ERC2: variants seen among roughly 807,000 people sequenced by gnomAD.
ERC2 encodes the protein ELKS/RAB6-interacting/CAST family member 2, also known as ERC protein 2.
A neutral mutation model predicts 114.8 loss-of-function variants in ERC2; 42 were observed. The observed-to-expected ratio is 0.37, with a 90% CI of 0.29 to 0.47. The LOEUF is 0.47. Among genes scored for constraint, ERC2 ranks in the 20% least tolerant of loss-of-function variants. ERC2 has a pLI of 0.99. For missense variants in ERC2, 939 were observed against 1,150.7 expected, an observed-to-expected ratio of 0.82 and a Z score of 2.66; for synonymous variants, 454 against 425.5, an observed-to-expected ratio of 1.07 and a Z score of -0.82.
At chr3:55,913,392 T>G (rs558474071) in intron 13 of ERC2, among the ~76,000 whole-genome samples, 10 of 152,258 alleles carry the variant, frequency 6.6e-5, no homozygotes, top group Non-Finnish European at 1.3e-4. Context: ...AACAATCTGG[T>G]GATTACTTAA....
At position 55,714,690 on chromosome 3, in the gene ERC2, T is replaced by TATAC. The variant is rs1360988584; in HGVS notation, c.2713-15179_2713-15178insGTAT. On this transcript the variant is annotated intron_variant, in intron 15 of 17. Coordinates refer to ENST00000288221, the MANE Select transcript of ERC2 (RefSeq NM_015576.3). The stretch of plus-strand genomic sequence containing the variant: ...GTGTATATATATATATATATATATA[T>TATAC]ATATATATATATATATATATATATG... Among the ~76,000 whole-genome samples, 1,076 of 129,950 alleles carry TATAC rather than the reference T, an allele frequency of 8.3e-3. 20 individuals are homozygous for TATAC. Among genetic ancestry groups the TATAC allele is most frequent in the Middle Eastern group, 0.015 (4 of 262 alleles). The allele number at this position is 129,950 out of a possible 152,430, so 85.3% of individuals were successfully genotyped here.
intron 2 of ERC2, among the ~76,000 whole-genome samples, chr3:56,302,294 C>T (rs997143571): frequency 6.6e-6 from 1 of 152,152 alleles, no homozygotes; most frequent in African/African-American, 2.4e-5. Context: ...GACAACTGTA[C>T]ACTTTGACAA....
chr3:55,961,269 C>G (rs2068342134), intron 12 of ERC2, among the ~76,000 whole-genome samples: 1 of 152,164 alleles, frequency 6.6e-6, no homozygotes, highest in Non-Finnish European at 1.5e-5. Context: ...CTCTGCGGCT[C>G]TGAACAAGCA....
At chr3:56,313,336 T>C (rs2056708502) in intron 2 of ERC2, among the ~76,000 whole-genome samples, 1 of 151,954 alleles carries the variant, frequency 6.6e-6, no homozygotes, top group Admixed American at 6.6e-5. Context: ...TTTAAAAGGG[T>C]AAATTTTATG....
intron 1 of ERC2, among the ~76,000 whole-genome samples, chr3:56,449,616 AG>A (rs1297812143): frequency 6.6e-6 from 1 of 152,230 alleles, no homozygotes; most frequent in Admixed American, 6.5e-5. Flanking sequence ...CCTCAAAATC[AG>A]ATTTGGCTGG....
At position 55,630,802 on chromosome 3, in the gene ERC2, C is replaced by A. The variant is rs534280964; in HGVS notation, c.*39+52992G>T. 3.9e-5 allele frequency among the ~76,000 whole-genome samples: 6 copies of A among 152,176 alleles called. No individual in the cohort carries two copies. The East Asian group carries it at 1.2e-3, about 29-fold the overall frequency. On this transcript the variant is annotated intron_variant, in intron 17 of 17. Coordinates refer to ENST00000288221, the MANE Select transcript of ERC2 (RefSeq NM_015576.3). ...TTTTTTCCTGCCACTGGGAAAAGTACATAAAAATAGGTGTGCCACTTGAAA... is the reference window on the plus strand; with the variant it reads ...TTTTTTCCTGCCACTGGGAAAAGTAAATAAAAATAGGTGTGCCACTTGAAA...
chr3:56,114,254 G>C (rs1299689520), intron 6 of ERC2, among the ~76,000 whole-genome samples: 2 of 152,158 alleles, frequency 1.3e-5, no homozygotes, highest in African/African-American at 4.8e-5. Flanking sequence ...TATGTTAAAA[G>C]GTGAAACGGA....
intron 6 of ERC2, among the ~76,000 whole-genome samples, chr3:56,134,925 T>TG (rs904031073): frequency 7.5e-6 from 1 of 133,452 alleles, no homozygotes; most frequent in African/African-American, 2.9e-5. Flanking sequence ...TTTTTGTTTT[T>TG]TTTTGTTTTT....
chr3:55,981,632 AAAG>A (rs1325057348), intron 12 of ERC2, among the ~76,000 whole-genome samples: 7 of 152,180 alleles, frequency 4.6e-5, no homozygotes, highest in African/African-American at 1.7e-4. Context: ...AGAGAGAGGA[AAAG>A]AAGGAAATAG....
At chr3:55,737,499 T>C (rs1411005384) in intron 14 of ERC2, among the ~76,000 whole-genome samples, 3 of 152,296 alleles carry the variant, frequency 2.0e-5, no homozygotes, top group East Asian at 1.9e-4. Flanking sequence ...TTCCAAACTT[T>C]AGCTACAACA....
chr3:56,073,952 A>G (rs994363688), intron 7 of ERC2, among the ~76,000 whole-genome samples: 4 of 152,186 alleles, frequency 2.6e-5, no homozygotes, highest in African/African-American at 9.6e-5. Flanking sequence ...ATAACTTATC[A>G]TATTTTTAAA....
At chr3:56,093,098 G>A (rs1379887417) in intron 6 of ERC2, among the ~76,000 whole-genome samples, 1 of 152,134 alleles carries the variant, frequency 6.6e-6, no homozygotes, top group African/African-American at 2.4e-5. Flanking sequence ...TATTTGTTAG[G>A]GTTAAACCCA....
At chr3:56,121,026 G>A (rs1195040282) in intron 6 of ERC2, among the ~76,000 whole-genome samples, 2 of 152,226 alleles carry the variant, frequency 1.3e-5, no homozygotes, top group African/African-American at 4.8e-5. Flanking sequence ...AGCTGGAAGA[G>A]CAGTGAAGTC....
rs144466006 is a variant in ERC2, at chr3:55,884,865, G to A, written c.2564+3524C>T. 4.6e-5 allele frequency among the ~76,000 whole-genome samples: 7 copies of A among 151,974 alleles called. No individual in the cohort carries two copies. In the East Asian group the frequency reaches 1.4e-3, roughly 29 times the overall value. On this transcript the variant is annotated intron_variant, in intron 14 of 17. Transcript: ENST00000288221. ...GTTTCAAAGCACTTTCACATGTGCT[G>A]GTTTATATTAATTTTAGTTTGCTGC...
intron 14 of ERC2, among the ~76,000 whole-genome samples, chr3:55,884,244 G>GT (rs2063258985): frequency 2.6e-5 from 4 of 152,186 alleles, no homozygotes; most frequent in Admixed American, 1.3e-4. Context: ...AGTATATTGA[G>GT]TAATTAAAAA....
chr3:55,525,962 G>A (rs755311532), intron 17 of ERC2, among the ~76,000 whole-genome samples: 2 of 152,200 alleles, frequency 1.3e-5, no homozygotes, highest in Non-Finnish European at 2.9e-5. Context: ...TTTGGAAATA[G>A]GGTCTTTGCA....
chr3:56,096,210 C>G (rs565016078), intron 6 of ERC2, among the ~76,000 whole-genome samples: 2 of 152,320 alleles, frequency 1.3e-5, no homozygotes, highest in South Asian at 2.1e-4. Flanking sequence ...TATATTCTAT[C>G]ATCTACATAT....
Position 56,352,183 on chromosome 3 carries a change from A to G in ERC2, c.658-55748T>C, listed in dbSNP as rs149601493. Among the ~76,000 whole-genome samples, 627 of 152,368 alleles carry G rather than the reference A, an allele frequency of 4.1e-3. 2 individuals are homozygous for G. The highest frequency in any genetic ancestry group is 0.014 in the African/African-American group (585 of 41,590). On this transcript the variant is annotated intron_variant, in intron 2 of 17. Transcript: ENST00000288221. ...AAATAAAAATCTAGAGACAATGTAGATAACAGCGTGGAAAGATATTTAGAC... is the reference window on the plus strand; with the variant it reads ...AAATAAAAATCTAGAGACAATGTAGGTAACAGCGTGGAAAGATATTTAGAC...
At chr3:55,875,934 A>C (rs1358103520) in intron 14 of ERC2, among the ~76,000 whole-genome samples, 1 of 152,162 alleles carries the variant, frequency 6.6e-6, no homozygotes, top group Non-Finnish European at 1.5e-5. Context: ...AAGTTAAGAG[A>C]AGAAGGAAGA....
Sources: allele counts gnomAD v4.1 joint callset (sites outside exome capture counted in the v4.1 genomes callset), GRCh38; gene constraint gnomAD v4.1.1; transcripts MANE v1.5; gene names NCBI Gene and HGNC (gene_info 2026-07-23, HGNC 2026-07-21).